Variants in TSHZ2 observed in about 807,000 individuals in gnomAD.
TSHZ2 encodes teashirt zinc finger homeobox 2.
Under a neutral mutation model 74.4 loss-of-function variants are expected in TSHZ2, and 21 were observed. The observed-to-expected ratio is 0.28, with a 90% CI of 0.20 to 0.41. TSHZ2 has a LOEUF of 0.41. TSHZ2 is among the 10% of genes least tolerant of loss of function. The pLI is 1.00. For missense variants in TSHZ2, 1,244 were observed against 1,293.5 expected (o/e 0.96, Z 0.59); for synonymous variants, 540 against 515.3 (o/e 1.05, Z -0.65).
At chr20:53,087,749 G>C (rs1985742830) in intron 1 of TSHZ2, among the ~76,000 whole-genome samples, 1 of 152,216 alleles carries the variant, frequency 6.6e-6, no homozygotes, top group African/African-American at 2.4e-5. Flanking sequence ...TTCGGCCATT[G>C]GCAGGGACTT....
intron 2 of TSHZ2, among the ~76,000 whole-genome samples, chr20:53,305,153 T>C (rs1203039238): frequency 6.6e-6 from 1 of 151,568 alleles, no homozygotes; most frequent in Non-Finnish European, 1.5e-5. Context: ...TTAGCCAGGA[T>C]GATCTCGGTC....
At chr20:53,458,896 G>A (rs1317016632) in intron 2 of TSHZ2, among the ~76,000 whole-genome samples, 5 of 152,124 alleles carry the variant, frequency 3.3e-5, no homozygotes, top group Admixed American at 1.3e-4. Context: ...TTAATCCTGA[G>A]TTCTAGTTTG....
chr20:53,065,126 T>C (rs1029636983), intron 1 of TSHZ2, among the ~76,000 whole-genome samples: 2 of 152,236 alleles, frequency 1.3e-5, no homozygotes, highest in African/African-American at 4.8e-5. Context: ...TCGCCTCGTC[T>C]GCAGGATGAT....
At chr20:53,118,228 G>A (rs1186171763) in intron 1 of TSHZ2, among the ~76,000 whole-genome samples, 2 of 152,074 alleles carry the variant, frequency 1.3e-5, no homozygotes, top group Admixed American at 6.6e-5. Context: ...GTTAGTGAGG[G>A]AAGATTTAGG....
intron 1 of TSHZ2, among the ~76,000 whole-genome samples, chr20:53,188,680 C>T (rs1213674608): frequency 6.6e-6 from 1 of 152,132 alleles, no homozygotes; most frequent in African/African-American, 2.4e-5. Flanking sequence ...ATATGTCTAG[C>T]TCCATCTTAC....
chr20:53,318,798 A>G (rs1979129671), intron 2 of TSHZ2, among the ~76,000 whole-genome samples: 1 of 152,236 alleles, frequency 6.6e-6, no homozygotes, highest in Non-Finnish European at 1.5e-5. Flanking sequence ...AATATTCTGT[A>G]TCAACCCATT....
intron 1 of TSHZ2, among the ~76,000 whole-genome samples, chr20:53,062,339 C>T (rs895334258): frequency 3.9e-5 from 6 of 152,088 alleles, no homozygotes; most frequent in South Asian, 2.1e-4. Context: ...GGGAGGTTTT[C>T]GAGCACAAAA....
chr20:53,470,139 A>G (rs1196781666), intron 2 of TSHZ2, among the ~76,000 whole-genome samples: 2 of 152,200 alleles, frequency 1.3e-5, no homozygotes, highest in Non-Finnish European at 2.9e-5. Context: ...CAACGCTGGG[A>G]AAACTACATG....
At chr20:52,989,209 TG>T (rs200543217) in intron 1 of TSHZ2, among the ~76,000 whole-genome samples, 1,539 of 146,886 alleles carry the variant, frequency 0.01, 17 homozygotes, top group African/African-American at 0.027. Flanking sequence ...TTATTGGTGA[TG>T]TTTTTTTTTA....
chr20:53,236,752 C>A (rs1568827569), intron 1 of TSHZ2, among the ~76,000 whole-genome samples: 2 of 152,212 alleles, frequency 1.3e-5, no homozygotes, highest in African/African-American at 4.8e-5. Context: ...AGGAAACTTA[C>A]AATCATGACG....
chr20:53,291,383 G>A (rs2145458192), intron 2 of TSHZ2, among the ~76,000 whole-genome samples: 1 of 150,898 alleles, frequency 6.6e-6, no homozygotes, highest in East Asian at 2.0e-4. Flanking sequence ...TGAGGCAGGA[G>A]AATCTATTGA....
At chr20:53,190,098 TA>T in intron 1 of TSHZ2, among the ~76,000 whole-genome samples, 1 of 47,410 alleles carries the variant, frequency 2.1e-5, no homozygotes, top group Non-Finnish European at 3.6e-5. Context: ...TATATATATA[TA>T]TATATATATA....
chr20:53,003,896 CTTTTTTTTTTTA>C (rs1275960188), intron 1 of TSHZ2, among the ~76,000 whole-genome samples: 2 of 145,270 alleles, frequency 1.4e-5, no homozygotes, highest in Non-Finnish European at 3.0e-5. Flanking sequence ...TTTTCTTTTT[CTTTTTTTTTTTA>C]ATTATTTCTT....
At chr20:53,039,779 C>T (rs2123093171) in intron 1 of TSHZ2, among the ~76,000 whole-genome samples, 1 of 7,584 alleles carries the variant, frequency 1.3e-4, no homozygotes, top group East Asian at 0.028. Context: ...GACTCCATCT[C>T]AAACACACAC....
intron 1 of TSHZ2, among the ~76,000 whole-genome samples, chr20:53,141,570 G>A (rs1327734735): frequency 6.6e-6 from 1 of 152,174 alleles, no homozygotes; most frequent in Non-Finnish European, 1.5e-5. Context: ...TTAAGACAAG[G>A]CCTTGTTGAC....
intron 2 of TSHZ2, among the ~76,000 whole-genome samples, chr20:53,394,002 G>C (rs80266752): frequency 0.027 from 4,054 of 152,320 alleles, 95 homozygotes; most frequent in African/African-American, 0.054. Context: ...AAAACTGACA[G>C]AGTGACTGGT....
intron 2 of TSHZ2, among the ~76,000 whole-genome samples, chr20:53,343,748 G>A (rs1980317552): frequency 6.6e-6 from 1 of 152,200 alleles, no homozygotes. Flanking sequence ...AGGTGAGGCA[G>A]TTGGCTTCAT....
chr20:53,432,534 T>A (rs549740726), intron 2 of TSHZ2, among the ~76,000 whole-genome samples: 3 of 152,352 alleles, frequency 2.0e-5, no homozygotes, highest in East Asian at 3.9e-4. Flanking sequence ...TATTAGTTCT[T>A]TGAGAAACCT....
At chr20:53,331,800 G>T (rs1013714225) in intron 2 of TSHZ2, among the ~76,000 whole-genome samples, 3 of 152,124 alleles carry the variant, frequency 2.0e-5, no homozygotes, top group Non-Finnish European at 4.4e-5. Flanking sequence ...GAACCACAGG[G>T]ACAGGGCAGG....
Sources: gnomAD v4.1 joint callset for allele counts (sites outside exome capture counted in the v4.1 genomes callset) on GRCh38, gnomAD v4.1.1 for gene constraint, MANE v1.5 for transcripts, NCBI Gene and HGNC (gene_info 2026-07-23, HGNC 2026-07-21) for gene names.